TRMT44: variants seen among roughly 807,000 people sequenced by gnomAD.
TRMT44 encodes tRNA methyltransferase 44 homolog, also known as probable tRNA (uracil-O(2)-)-methyltransferase.
A neutral mutation model predicts 77.3 loss-of-function variants in TRMT44; 78 were observed. The ratio of observed to expected loss-of-function variants is 1.01; its 90% CI spans 0.84 to 1.22. TRMT44 has a LOEUF of 1.22. TRMT44 is among the 50% of genes most tolerant of loss of function. The pLI, the probability that TRMT44 is intolerant of heterozygous loss-of-function variation, is 0.00. For synonymous variants in TRMT44, 391 were observed against 383.3 expected (o/e 1.02, Z -0.23); for missense variants, 1,090 against 964.4 (o/e 1.13, Z -1.73).
At chr4:8,483,844 T>A (rs1001753807) in intron 2 of TRMT44, among the ~76,000 whole-genome samples, 10 of 152,224 alleles carry the variant, frequency 6.6e-5, no homozygotes, top group Admixed American at 2.6e-4. Context: ...GAAATGTCTT[T>A]ACTTATTCAG....
At chr4:8,480,443 C>T (rs554950647), downstream of TRMT44, among the ~76,000 whole-genome samples, 50 of 152,292 alleles carry the variant, frequency 3.3e-4, no homozygotes, top group South Asian at 1.0e-2. Context: ...CGGACGTGAG[C>T]ATTCGCAGTG....
the TRMT44 span, among the ~76,000 whole-genome samples, chr4:8,504,546 G>A: frequency 2.0e-5 from 3 of 152,040 alleles, no homozygotes; most frequent in African/African-American, 2.4e-5. The surrounding 1 kb of genome is among the most constrained non-coding windows in gnomAD (Gnocchi z 5.3). Flanking sequence ...GACCTGTGCC[G>A]AGTCTGTAGT....
chr4:8,443,968 A>T (rs961885390), intron 1 of TRMT44, among the ~76,000 whole-genome samples: 2 of 152,164 alleles, frequency 1.3e-5, no homozygotes, highest in African/African-American at 4.8e-5. Context: ...TAAAAAAAAA[A>T]AAAAGGAATG....
At chr4:8,449,949 C>CTTTTCTTTTTTTTTTTTTTTTT in intron 3 of TRMT44, 61 bp downstream of exon 3, 2 of 238,690 alleles carry the variant, frequency 8.4e-6, no homozygotes, top group South Asian at 6.0e-5. Context: ...CTTTTCTTTT[C>CTTTTCTTTTTTTTTTTTTTTTT]TTTTTTTTTT....
intron 2 of TRMT44, among the ~76,000 whole-genome samples, chr4:8,485,054 A>G (rs1727760893): frequency 6.6e-6 from 1 of 152,196 alleles, no homozygotes; most frequent in Non-Finnish European, 1.5e-5. Context: ...GGTCATCAAT[A>G]TATTGAATAA....
the TRMT44 span, among the ~76,000 whole-genome samples, chr4:8,505,966 C>T: frequency 2.6e-4 from 39 of 152,346 alleles, no homozygotes; most frequent in Admixed American, 2.6e-3. Context: ...ACTCCCCAAC[C>T]ATGTGGAACT....
the TRMT44 span, among the ~76,000 whole-genome samples, chr4:8,499,111 C>T: frequency 6.6e-6 from 1 of 152,046 alleles, no homozygotes; most frequent in African/African-American, 2.4e-5. Context: ...AGATTCAGTT[C>T]CCCAGGAGCT....
At position 8,468,227 on chromosome 4, in the gene TRMT44, C is replaced by A. The variant is rs964231931; in HGVS notation, c.1808C>A (p.Ala603Asp). 6.2e-7 allele frequency: 1 copy of A among 1,614,130 alleles called. No homozygotes were observed. Among genetic ancestry groups the A allele is most frequent in the Non-Finnish European group, 8.5e-7 (1 of 1,180,050 alleles). Residue 603 changes from alanine to aspartate, a missense_variant, in exon 9 of 11, where the codon GCC (alanine) becomes GAC (aspartate). Ala to Asp is a moderately radical substitution (Grantham distance 126). Transcript: ENST00000389737. ...EKAERVRNCA[A>D]LPRDFIDQVV... ...GCTGAGCGTGTGAGGAACTGTGCCG[C>A]CCTGCCACGAGATTTTATTGACCAA... is the stretch of plus-strand genomic sequence containing the variant.
Position 8,452,292 on chromosome 4 carries a change from G to C in TRMT44, c.1023+264G>C, listed in dbSNP as rs1725503875. ...TCCACACTCAGCAGTCATCGTGGAGGCACCGGCTGGCACAGGGAAGCACTG... is the reference window on the plus strand; with the variant it reads ...TCCACACTCAGCAGTCATCGTGGAGCCACCGGCTGGCACAGGGAAGCACTG... On this transcript the variant is annotated intron_variant, in intron 4 of 10. Transcript: ENST00000389737. This position sits in a 1 kb window ranked among gnomAD's most constrained non-coding sequence, Gnocchi z 5.7. Among the ~76,000 whole-genome samples, 1 of 152,252 alleles carries C rather than the reference G, an allele frequency of 6.6e-6. No individual in the cohort carries two copies. Among genetic ancestry groups the C allele is most frequent in the African/African-American group, 2.4e-5 (1 of 41,470 alleles).
rs933813357 is a variant in TRMT44, at chr4:8,476,432, A to G, written c.*431A>G. 1 of 180,788 alleles carries G rather than the reference A, an allele frequency of 5.5e-6. No homozygotes were observed. The highest frequency in any genetic ancestry group is 2.4e-5 in the African/African-American group (1 of 42,374). The allele number at this position is 180,788 out of a possible 1,614,324, so 11.2% of individuals were successfully genotyped here. A position where few individuals can be genotyped will look rare whatever the true frequency, so the allele number is the denominator to read the frequency against. On this transcript the variant is annotated 3_prime_UTR_variant, in exon 11 of 11. Transcript: ENST00000389737. Reference sequence around the variant, plus strand: ...CGTATCTGCCAGCGTTTCTCACCACACTGGAGAGCAGCTGCTCTGGAGCAG... The same window carrying G: ...CGTATCTGCCAGCGTTTCTCACCACGCTGGAGAGCAGCTGCTCTGGAGCAG...
intron 6 of TRMT44, among the ~76,000 whole-genome samples, chr4:8,463,640 C>T (rs1315182638): frequency 1.3e-5 from 2 of 152,242 alleles, no homozygotes; most frequent in Non-Finnish European, 2.9e-5. Context: ...TGCTCCCATG[C>T]TCTGCCAGAG....
chr4:8,460,845 G>C (rs59477910), intron 6 of TRMT44, among the ~76,000 whole-genome samples: 19,924 of 151,692 alleles, frequency 0.13, 1,979 homozygotes, highest in African/African-American at 0.28. Context: ...GCCACCACAC[G>C]CAGCCCCCCT....
the TRMT44 span, among the ~76,000 whole-genome samples, chr4:8,516,228 G>A: frequency 2.4e-4 from 37 of 152,228 alleles, no homozygotes; most frequent in Middle Eastern, 3.4e-3. Flanking sequence ...ACGCAGGCCC[G>A]GCCACAAGAG....
intron 1 of TRMT44, among the ~76,000 whole-genome samples, chr4:8,441,775 G>C (rs1724724271): frequency 6.6e-6 from 1 of 152,234 alleles, no homozygotes; most frequent in Non-Finnish European, 1.5e-5. Context: ...TCAAAGTCCG[G>C]TGGCGACGAA....
the TRMT44 span, among the ~76,000 whole-genome samples, chr4:8,500,855 T>C: frequency 6.6e-6 from 1 of 151,972 alleles, no homozygotes; most frequent in Non-Finnish European, 1.5e-5. Flanking sequence ...GAGACGGAGG[T>C]TTCACCATGT....
chr4:8,503,443 AGTG>A, the TRMT44 span, among the ~76,000 whole-genome samples: 3 of 152,230 alleles, frequency 2.0e-5, no homozygotes, highest in Non-Finnish European at 4.4e-5. Context: ...CTGGGCTGAC[AGTG>A]TGCACAGGGC....
At chr4:8,480,935 C>G (rs939590296), downstream of TRMT44, among the ~76,000 whole-genome samples, 3 of 152,220 alleles carry the variant, frequency 2.0e-5, no homozygotes, top group Non-Finnish European at 4.4e-5. Flanking sequence ...CCCTACAAAG[C>G]TGTTTTGTGT....
chr4:8,515,025 G>A, the TRMT44 span, among the ~76,000 whole-genome samples: 33 of 152,258 alleles, frequency 2.2e-4, no homozygotes, highest in Admixed American at 2.6e-4. Flanking sequence ...GTGTGCAGTG[G>A]CATGATCTCA....
rs1419001807 is a variant in TRMT44 at position 8,456,736 on chromosome 4, A to G, written c.1203+1923A>G. ...GAAGTCATTATATGACAAAGCAGAA[A>G]GAAGGTGAAGGTTCTAAAGCTGGAG... is the stretch of plus-strand genomic sequence containing the variant. On this transcript the variant is annotated intron_variant, in intron 6 of 10. Transcript: ENST00000389737. Among the ~76,000 whole-genome samples, 6 of 152,362 alleles carry G rather than the reference A, an allele frequency of 3.9e-5. No individual in the cohort carries two copies. In the East Asian group the frequency reaches 1.2e-3, roughly 29 times the overall value.
Sources: gnomAD v4.1 joint callset for allele counts (sites outside exome capture counted in the v4.1 genomes callset) on GRCh38, gnomAD v4.1.1 for gene constraint, Gnocchi (gnomAD v3.1) non-coding constraint, MANE v1.5 for transcripts, NCBI Gene and HGNC (gene_info 2026-07-23, HGNC 2026-07-21) for gene names.